The following ZNF831 variants were observed in gnomAD, a reference collection of about 807,000 sequenced individuals.
ZNF831 encodes the protein chromosome 20 open reading frame 174.
Under a neutral mutation model 95.8 loss-of-function variants are expected in ZNF831, and 59 were observed. That is an observed-to-expected ratio of 0.62 (90% CI 0.50 to 0.77). The LOEUF is 0.77. Ranked by LOEUF, ZNF831 falls within the 30% of genes least tolerant of loss-of-function variation. The probability of loss-of-function intolerance (pLI) is 0.00; values close to 1 mark genes in which losing one functional copy is unlikely to be tolerated. For missense variants in ZNF831, 2,205 were observed against 2,164.0 expected (o/e 1.02, Z -0.38); for synonymous variants, 961 against 925.5 (o/e 1.04, Z -0.70).
intron 3 of ZNF831, among the ~76,000 whole-genome samples, chr20:59,199,331 T>C (rs1225497694): frequency 2.0e-5 from 3 of 152,118 alleles, no homozygotes; most frequent in East Asian, 1.9e-4. Context: ...TAACAATATA[T>C]AGAAAAGAAA....
chr20:59,166,594 C>T (rs969475138), intron 1 of ZNF831, among the ~76,000 whole-genome samples: 1 of 152,124 alleles, frequency 6.6e-6, no homozygotes, highest in Non-Finnish European at 1.5e-5. Flanking sequence ...CCCCCCAACC[C>T]CTTAACCCCA....
chr20:59,155,275 G>A (rs1980475445), intron 2 of ZNF831, among the ~76,000 whole-genome samples: 1 of 152,218 alleles, frequency 6.6e-6, no homozygotes, highest in African/African-American at 2.4e-5. Flanking sequence ...AGGAAGGGAA[G>A]GAAGAGATTG....
upstream of ZNF831, chr20:59,160,552 C>T (rs978984955): frequency 3.3e-5 from 5 of 152,316 alleles, no homozygotes; most frequent in African/African-American, 1.2e-4. Flanking sequence ...CCACTCAGAG[C>T]GCTGCTCCAG....
At chr20:59,252,301 C>T (rs1426844324) in intron 4 of ZNF831, among the ~76,000 whole-genome samples, 3 of 152,092 alleles carry the variant, frequency 2.0e-5, no homozygotes, top group Admixed American at 1.3e-4. Flanking sequence ...GTGACACAGT[C>T]GTTTTAAGAT....
intron 1 of ZNF831, among the ~76,000 whole-genome samples, chr20:59,142,467 C>T (rs1335494921): frequency 6.6e-6 from 1 of 152,214 alleles, no homozygotes; most frequent in Admixed American, 6.5e-5. Context: ...CCCCTACCCC[C>T]ACATTTAAGG....
At chr20:59,246,224 T>C (rs1172673333) in intron 4 of ZNF831, among the ~76,000 whole-genome samples, 2 of 151,916 alleles carry the variant, frequency 1.3e-5, no homozygotes, top group African/African-American at 4.9e-5. Context: ...GTGCCTTCAC[T>C]CTCCTTCTCT....
intron 4 of ZNF831, among the ~76,000 whole-genome samples, chr20:59,218,596 T>G (rs973253529): frequency 1.6e-5 from 2 of 128,364 alleles, no homozygotes; most frequent in African/African-American, 7.7e-5. Context: ...AGCGTGACTG[T>G]TTTTTTTTTT....
intron 2 of ZNF831, among the ~76,000 whole-genome samples, chr20:59,148,097 C>T (rs1341592587): frequency 2.0e-5 from 3 of 152,236 alleles, no homozygotes; most frequent in Non-Finnish European, 4.4e-5. Context: ...CTCCTACTAA[C>T]CTAGAGCCTG....
At chr20:59,186,588 C>T (rs547708801) in intron 1 of ZNF831, among the ~76,000 whole-genome samples, 5 of 152,172 alleles carry the variant, frequency 3.3e-5, no homozygotes, top group Non-Finnish European at 7.3e-5. Context: ...GATGGTTAAG[C>T]AGAGACAGAA....
At chr20:59,134,983 G>A (rs1413266040) in intron 1 of ZNF831, among the ~76,000 whole-genome samples, 1 of 152,076 alleles carries the variant, frequency 6.6e-6, no homozygotes, top group African/African-American at 2.4e-5. Flanking sequence ...AAAACCATCT[G>A]CATGGCAGCA....
intron 2 of ZNF831, among the ~76,000 whole-genome samples, chr20:59,148,324 A>G (rs1334711847): frequency 6.6e-6 from 1 of 152,126 alleles, no homozygotes; most frequent in Non-Finnish European, 1.5e-5. Flanking sequence ...GACCAGTGGC[A>G]AAGTCCCTGT....
At chr20:59,124,806 C>T (rs571747945) in intron 1 of ZNF831, among the ~76,000 whole-genome samples, 21 of 152,300 alleles carry the variant, frequency 1.4e-4, no homozygotes, top group Non-Finnish European at 2.2e-4. Flanking sequence ...CTTGGCAGCC[C>T]GCCACTCCTC....
Position 59,217,198 on chromosome 20 carries a change from C to T in ZNF831, c.4027+10142C>T, listed in dbSNP as rs570683964. ...TGTGTGTGTGTGTGTGTGTGTGTAA[C>T]ACAGCAGCAGCACACTGCACATCTC... On this transcript the variant is annotated intron_variant, in intron 4 of 5. Coordinates refer to ENST00000371030, the MANE Select transcript of ZNF831 (RefSeq NM_178457.3). The surrounding 1 kb of genome is among the most constrained non-coding windows in gnomAD (Gnocchi z 4.4). 7.4e-5 allele frequency among the ~76,000 whole-genome samples: 8 copies of T among 108,484 alleles called. No individual in the cohort carries two copies. The East Asian group carries it at 2.8e-3, about 38-fold the overall frequency. The allele number at this position is 108,484 out of a possible 152,430, so 71.2% of individuals were successfully genotyped here.
chr20:59,222,444 C>T (rs1363097773), intron 4 of ZNF831, among the ~76,000 whole-genome samples: 1 of 152,086 alleles, frequency 6.6e-6, no homozygotes, highest in Non-Finnish European at 1.5e-5. Flanking sequence ...CGGCGCCAAG[C>T]CTCAATCTTG....
upstream of ZNF831, chr20:59,160,402 A>C (rs259983): frequency 0.24 from 37,061 of 152,048 alleles, 6,459 homozygotes; most frequent in African/African-American, 0.5. Flanking sequence ...TGTCTCATGG[A>C]CGCTCTTGAT....
chr20:59,132,343 G>C (rs1366716080), intron 1 of ZNF831, among the ~76,000 whole-genome samples: 4 of 138,680 alleles, frequency 2.9e-5, no homozygotes, highest in African/African-American at 1.1e-4. Context: ...TCTTGTATAT[G>C]CCTATAGTGA....
Position 59,173,874 on chromosome 20 carries a change from G to A in ZNF831, c.-37+9667G>A, listed in dbSNP as rs115835769. ...TGAAAGAGTGACTATTAGGTACAAG[G>A]AAACTCTATAGGGTACCCTAAGATT... On this transcript the variant is annotated intron_variant, in intron 1 of 5. Transcript: ENST00000371030. 6.5e-3 allele frequency among the ~76,000 whole-genome samples: 993 copies of A among 152,248 alleles called. 12 individuals are homozygous for A. The highest frequency in any genetic ancestry group is 0.023 in the African/African-American group (951 of 41,548).
chr20:59,252,975 C>T lies in ZNF831; in HGVS notation c.4028-3C>T, dbSNP rs1987973177. On this transcript the variant is annotated splice_polypyrimidine_tract_variant and splice_region_variant and intron_variant, in intron 4 of 5. Transcript: ENST00000371030. ...ATATGTAAATGTGCCTCTCCCCTTG[C>T]AGGTCTGAATCTGCAAGAGGAGCCA... 1 of 1,612,870 alleles carries T rather than the reference C, an allele frequency of 6.2e-7. No individual in the cohort carries two copies. The highest frequency in any genetic ancestry group is 8.5e-7 in the Non-Finnish European group (1 of 1,179,474).
At position 59,169,898 on chromosome 20, in the gene ZNF831, TC is replaced by T. The variant is rs1981588104; in HGVS notation, c.-37+5692del. Among the ~76,000 whole-genome samples, 1 of 146,944 alleles carries T rather than the reference TC, an allele frequency of 6.8e-6. No individual in the cohort carries two copies. The highest frequency in any genetic ancestry group is 1.5e-5 in the Non-Finnish European group (1 of 66,060). On this transcript the variant is annotated intron_variant, in intron 1 of 5. Transcript: ENST00000371030. This position sits in a 1 kb window ranked among gnomAD's most constrained non-coding sequence, Gnocchi z 4.1. The stretch of plus-strand genomic sequence containing the variant: ...CTGGGCAATAGAGCAAGACTCTGTC[TC>T]AAAAAAAAAAGGTGAATTTTATTAA...
Sources: gnomAD v4.1 joint callset for allele counts (sites outside exome capture counted in the v4.1 genomes callset) on GRCh38, gnomAD v4.1.1 for gene constraint, Gnocchi (gnomAD v3.1) non-coding constraint, MANE v1.5 for transcripts, NCBI Gene and HGNC (gene_info 2026-07-23, HGNC 2026-07-21) for gene names.